Variants in ADRA1D observed in about 807,000 individuals in gnomAD.
ADRA1D encodes alpha-1D adrenergic receptor.
Under a neutral mutation model 18.6 loss-of-function variants are expected in ADRA1D, and 22 were observed. That is an observed-to-expected ratio of 1.19 (90% CI 0.85 to 1.69). The LOEUF (loss-of-function observed/expected upper bound fraction) is 1.69. ADRA1D is among the 40% of genes most tolerant of loss of function. The probability of loss-of-function intolerance (pLI) is 0.00; values close to 1 mark genes in which losing one functional copy is unlikely to be tolerated. For missense variants in ADRA1D, 840 were observed against 840.7 expected, an observed-to-expected ratio of 1.00 and a Z score of 0.01; for synonymous variants, 376 against 388.2, an observed-to-expected ratio of 0.97 and a Z score of 0.37.
intron 1 of ADRA1D, among the ~76,000 whole-genome samples, chr20:4,246,991 C>T (rs538351142): frequency 3.3e-5 from 5 of 152,180 alleles, no homozygotes; most frequent in East Asian, 1.9e-4. Flanking sequence ...GATCTGACCC[C>T]GGGCAAATTC....
Position 4,248,334 on chromosome 20 carries a change from C to T in ADRA1D, c.624G>A (p.Met208Ile). The T allele has an allele frequency of 6.2e-7, 1 of 1,605,856 alleles. No individual in the cohort carries two copies. Reference sequence around the variant, plus strand: ...GGATGGCGGCCGCCTTGCGCTCGGTCATGATGGCTGGGTACTTGAGTGAGT... The same window carrying T: ...GGATGGCGGCCGCCTTGCGCTCGGTTATGATGGCTGGGTACTTGAGTGAGT... ...VRHSLKYPAI[M>I]TERKAAAILA... is the part of the protein sequence containing the mutation. The change falls in exon 1 of 2, where the codon ATG (methionine) becomes ATA (isoleucine). Residue 208 changes from methionine to isoleucine, a missense_variant. Transcript: ENST00000379453.
At chr20:4,229,777 GC>G (rs1225237489) in intron 1 of ADRA1D, among the ~76,000 whole-genome samples, 3 of 151,646 alleles carry the variant, frequency 2.0e-5, no homozygotes, top group African/African-American at 7.3e-5. Flanking sequence ...GAATCCAGCA[GC>G]CCCCTCACTG....
At chr20:4,244,155 G>GGCT (rs1487408691) in intron 1 of ADRA1D, among the ~76,000 whole-genome samples, 2 of 152,232 alleles carry the variant, frequency 1.3e-5, no homozygotes, top group Non-Finnish European at 2.9e-5. Context: ...AGGCCGCTGT[G>GGCT]GCTGCTGCTA....
chr20:4,247,699 T>A (rs1444465750), intron 1 of ADRA1D, 148 bp downstream of exon 1: 3 of 884,164 alleles, frequency 3.4e-6, no homozygotes, highest in Non-Finnish European at 4.8e-6. Flanking sequence ...CACAAAATGG[T>A]GCATGCACAC....
intron 1 of ADRA1D, among the ~76,000 whole-genome samples, chr20:4,242,881 T>C (rs1275960402): frequency 1.3e-5 from 2 of 151,968 alleles, no homozygotes; most frequent in African/African-American, 4.8e-5. Context: ...TGTGTTTGTG[T>C]GTGTATGTAG....
At chr20:4,237,761 T>C (rs1981127796) in intron 1 of ADRA1D, among the ~76,000 whole-genome samples, 1 of 151,348 alleles carries the variant, frequency 6.6e-6, no homozygotes. Context: ...CCTCCCAGGT[T>C]CAAGCGATTC....
At chr20:4,233,158 A>G (rs2052104582) in intron 1 of ADRA1D, among the ~76,000 whole-genome samples, 1 of 152,102 alleles carries the variant, frequency 6.6e-6, no homozygotes, top group South Asian at 2.1e-4. Flanking sequence ...TAAAATATTT[A>G]TTTTTAAAAA....
chr20:4,221,891 GGGCGCAGTCCT>G lies in ADRA1D; in HGVS notation c.1340_1350del (p.Gln447ProfsTer138), dbSNP rs1980678845. The G allele has an allele frequency of 6.7e-7, 1 of 1,493,958 alleles. No individual in the cohort carries two copies. Among genetic ancestry groups the G allele is most frequent in the Non-Finnish European group, 8.9e-7 (1 of 1,127,978 alleles). 92.5% of individuals were successfully genotyped at this position (1,493,958 alleles called of 1,614,324 possible). A position where few individuals can be genotyped will look rare whatever the true frequency, so the allele number is the denominator to read the frequency against. On this transcript the variant is annotated frameshift_variant, in exon 2 of 2. Transcript: ENST00000379453. LOFTEE classifies it low-confidence loss of function (END_TRUNC). ...CCGGGGGGCGCGTCGCCCGAACTCG[GGGCGCAGTCCT>G]GGCGCAGGCCGCTGGTGGAGGCCCG... is the stretch of plus-strand genomic sequence containing the variant.
In ADRA1D at chr20:4,248,066, T is replaced by C. The variant is rs1312807748; in HGVS notation, c.892A>G (p.Lys298Glu). Residue 298 changes from lysine to glutamate, a missense_variant, in exon 1 of 2, where the codon AAG becomes GAG. Lys to Glu is a moderately conservative substitution (Grantham distance 56). Coordinates refer to ENST00000379453, the MANE Select transcript of ADRA1D (RefSeq NM_000678.4). ...LEAGVKRERG[K>E]ASEVVLRIHC... Reference sequence around the variant, plus strand: ...ATGCGCAGCACCACCTCGGAGGCCTTGCCTCGCTCGCGCTTGACGCCCGCC... The same window carrying C: ...ATGCGCAGCACCACCTCGGAGGCCTCGCCTCGCTCGCGCTTGACGCCCGCC... The C allele has an allele frequency of 1.3e-6, 2 of 1,550,730 alleles. No individual in the cohort carries two copies. Among genetic ancestry groups the C allele is most frequent in the East Asian group, 4.9e-5 (2 of 40,930 alleles).
rs1981172785 is a variant in ADRA1D at position 4,239,808 on chromosome 20, A to G, written c.1111+8039T>C. Among the ~76,000 whole-genome samples the G allele has an allele frequency of 6.6e-6, 1 of 152,382 alleles. No individual in the cohort carries two copies. Among genetic ancestry groups the G allele is most frequent in the East Asian group, 1.9e-4 (1 of 5,194 alleles). On this transcript the variant is annotated intron_variant, in intron 1 of 1. Coordinates refer to ENST00000379453, the MANE Select transcript of ADRA1D (RefSeq NM_000678.4). This position sits in a 1 kb window ranked among gnomAD's most constrained non-coding sequence, Gnocchi z 4.9. ...CTCTTCCTCTGATAAATAAAGAGGA[A>G]TATTGAACATCTTCCCTGCCTTTGC...
chr20:4,229,264 A>G (rs929556200), intron 1 of ADRA1D, among the ~76,000 whole-genome samples: 7 of 152,162 alleles, frequency 4.6e-5, no homozygotes, highest in African/African-American at 1.4e-4. Flanking sequence ...CCTCCTAGAC[A>G]TCTCCACTTG....
intron 1 of ADRA1D, among the ~76,000 whole-genome samples, chr20:4,233,168 A>G (rs1406427395): frequency 6.6e-6 from 1 of 152,138 alleles, no homozygotes; most frequent in Non-Finnish European, 1.5e-5. Context: ...ATTTTTAAAA[A>G]AATCATCCAG....
rs1381359153 is a variant in ADRA1D, at chr20:4,248,610, A to C, written c.348T>G (p.Leu116=). The C allele has an allele frequency of 6.2e-7, 1 of 1,613,164 alleles. No individual in the cohort carries two copies. Among genetic ancestry groups the C allele is most frequent in the East Asian group, 2.2e-5 (1 of 44,854 alleles). ...GGTTGCAGGCCACTGAGAGGATGAC[A>C]AGCAGGTTACCTGCCACGGCCATAA... ...FILMAVAGNL[L]VILSVACNRH... The change falls in exon 1 of 2, where the codon CTT becomes CTG. Residue 116 remains leucine (L), a synonymous_variant. Coordinates refer to ENST00000379453, the MANE Select transcript of ADRA1D (RefSeq NM_000678.4).
Position 4,249,076 on chromosome 20 carries a change from G to C in ADRA1D, c.-119C>G. Reference sequence around the variant, plus strand: ...AGCTCCGCGCACGGGTCCCGTCGGGGTCCTGCCCAAGTTCCTGTGACGCGG... The same window carrying C: ...AGCTCCGCGCACGGGTCCCGTCGGGCTCCTGCCCAAGTTCCTGTGACGCGG... On this transcript the variant is annotated 5_prime_UTR_variant, in exon 1 of 2. Coordinates refer to ENST00000379453, the MANE Select transcript of ADRA1D (RefSeq NM_000678.4). The C allele has an allele frequency of 2.4e-6, 2 of 826,142 alleles. No homozygotes were observed. The highest frequency in any genetic ancestry group is 5.7e-4 in the Middle Eastern group (1 of 1,754). The allele number at this position is 826,142 out of a possible 1,614,324, so 51.2% of individuals were successfully genotyped here. A position where few individuals can be genotyped will look rare whatever the true frequency, so the allele number is the denominator to read the frequency against.
chr20:4,223,125 T>C (rs1980713642), intron 1 of ADRA1D, among the ~76,000 whole-genome samples: 1 of 152,014 alleles, frequency 6.6e-6, no homozygotes. Flanking sequence ...ACAGAGTCAA[T>C]TTATTTTTGA....
In ADRA1D at chr20:4,248,236, G is replaced by C. The variant is rs375855060; in HGVS notation, c.722C>G (p.Pro241Arg). 2.7e-5 allele frequency: 43 copies of C among 1,603,898 alleles called. No individual in the cohort carries two copies. The East Asian group carries it at 6.7e-4, about 25-fold the overall frequency. The change falls in exon 1 of 2, where the codon CCT (proline) becomes CGT (arginine). Residue 241 changes from proline (P) to arginine (R), a missense_variant. Physicochemically the swap from Pro to Arg is moderately radical, Grantham distance 103 (BLOSUM62 -2). Coordinates refer to ENST00000379453, the MANE Select transcript of ADRA1D (RefSeq NM_000678.4). ...PLLGWKEPVP[P>R]DERFCGITEE... ...GGTGATACCGCAGAAGCGCTCGTCA[G>C]GGGGCACGGGCTCCTTCCAGCCCAG...
chr20:4,248,201 C>T lies in ADRA1D; in HGVS notation c.757G>A (p.Gly253Ser), dbSNP rs1377425982. 2.3e-5 allele frequency: 36 copies of T among 1,590,888 alleles called. No individual in the cohort carries two copies. The highest frequency in any genetic ancestry group is 3.0e-5 in the Non-Finnish European group (35 of 1,168,946). ...ERFCGITEEA[G>S]YAVFSSVCSF... ...CACACGGAGGAGAAGACAGCGTAGC[C>T]CGCCTCCTCGGTGATACCGCAGAAG... Residue 253 changes from glycine (G) to serine (S), a missense_variant, in exon 1 of 2, where the codon GGC (glycine) becomes AGC (serine). Transcript: ENST00000379453.
chr20:4,247,881 G>A lies in ADRA1D; in HGVS notation c.1077C>T (p.Leu359=). The A allele has an allele frequency of 1.3e-6, 2 of 1,582,132 alleles. No individual in the cohort carries two copies. Among genetic ancestry groups the A allele is most frequent in the East Asian group, 4.6e-5 (2 of 43,678 alleles). ...TLAIVVGVFV[L]CWFPFFFVLP... ...GGACAAAGAAGAAAGGGAACCAGCA[G>A]AGCACGAAGACACCCACGACGATGG... The change falls in exon 1 of 2, where the codon CTC becomes CTT. Residue 359 remains leucine, a synonymous_variant. Coordinates refer to ENST00000379453, the MANE Select transcript of ADRA1D (RefSeq NM_000678.4).
Position 4,221,741 on chromosome 20 carries a change from C to A in ADRA1D, c.1501G>T (p.Gly501Trp). Reference sequence around the variant, plus strand: ...TGGGTCGTGGGTCTCCGGAACGGCCCCAGCAGCCTCCACTCGCGGAAGGCG... The same window carrying A: ...TGGGTCGTGGGTCTCCGGAACGGCCACAGCAGCCTCCACTCGCGGAAGGCG... Reference protein sequence around the residue: ...PSAFREWRLLGPFRRPTTQLR... With the variant: ...PSAFREWRLLWPFRRPTTQLR... Residue 501 changes from glycine (G) to tryptophan (W), a missense_variant, in exon 2 of 2, where the codon GGG (glycine) becomes TGG (tryptophan). Coordinates refer to ENST00000379453, the MANE Select transcript of ADRA1D (RefSeq NM_000678.4). The A allele has an allele frequency of 6.2e-7, 1 of 1,602,954 alleles. No homozygotes were observed. The highest frequency in any genetic ancestry group is 8.5e-7 in the Non-Finnish European group (1 of 1,177,196).
Sources: gnomAD v4.1 joint callset for allele counts (sites outside exome capture counted in the v4.1 genomes callset) on GRCh38, gnomAD v4.1.1 for gene constraint, Gnocchi (gnomAD v3.1) non-coding constraint, MANE v1.5 for transcripts, NCBI Gene and HGNC (gene_info 2026-07-23, HGNC 2026-07-21) for gene names.